The following MRPL48 variants were observed in gnomAD, a reference collection of about 807,000 sequenced individuals.
The protein encoded by MRPL48 is large ribosomal subunit protein mL48.
MRPL48 carries 16 observed loss-of-function variants against 32.9 expected under a neutral mutation model. The observed-to-expected ratio is 0.49, with a 90% confidence interval of 0.33 to 0.74. The LOEUF is 0.74. Ranked by LOEUF, MRPL48 falls within the 30% of genes least tolerant of loss-of-function variation. The pLI is 0.02. For synonymous variants in MRPL48, 94 were observed against 89.2 expected (o/e 1.05, Z -0.31); for missense variants, 206 against 245.3 (o/e 0.84, Z 1.07).
At chr11:73,849,715 G>T (rs1029958697) in intron 5 of MRPL48, among the ~76,000 whole-genome samples, 2 of 152,202 alleles carry the variant, frequency 1.3e-5, no homozygotes, top group African/African-American at 2.4e-5. Flanking sequence ...CTATAAATAT[G>T]TACAGGTTTT....
intron 6 of MRPL48, among the ~76,000 whole-genome samples, chr11:73,862,013 C>G (rs1464040213): frequency 6.6e-6 from 1 of 152,202 alleles, no homozygotes; most frequent in Non-Finnish European, 1.5e-5. Flanking sequence ...AGTGCCCGGG[C>G]ACGGTGGTTC....
intron 2 of MRPL48, 37 bp downstream of exon 2, chr11:73,805,116 C>T (rs1236341066): frequency 2.0e-6 from 3 of 1,518,190 alleles, no homozygotes; most frequent in South Asian, 2.4e-5. Context: ...ATATAGGTAA[C>T]ATTTGCCTTT....
chr11:73,788,232 T>C (rs1056310439), intron 1 of MRPL48, among the ~76,000 whole-genome samples: 2 of 152,052 alleles, frequency 1.3e-5, no homozygotes, highest in African/African-American at 2.4e-5. Context: ...CCACACCACA[T>C]GCCACTCTCT....
At chr11:73,793,922 T>C (rs890409691) in intron 1 of MRPL48, among the ~76,000 whole-genome samples, 2 of 148,452 alleles carry the variant, frequency 1.3e-5, no homozygotes, top group Non-Finnish European at 3.0e-5. Flanking sequence ...CCCAGGCAGG[T>C]CTCGAACTCC....
At chr11:73,805,222 C>A in intron 2 of MRPL48, 143 bp downstream of exon 2, 1 of 633,602 alleles carries the variant, frequency 1.6e-6, no homozygotes, top group Non-Finnish European at 2.7e-6. Flanking sequence ...CTTCCCCATT[C>A]TCAGTTAATA....
At chr11:73,800,435 A>C (rs1947338994) in intron 1 of MRPL48, among the ~76,000 whole-genome samples, 1 of 151,816 alleles carries the variant, frequency 6.6e-6, no homozygotes. Flanking sequence ...CCCACTCCAG[A>C]CTCTGATGTC....
chr11:73,830,879 A>G (rs1947981207), intron 4 of MRPL48, among the ~76,000 whole-genome samples: 1 of 149,574 alleles, frequency 6.7e-6, no homozygotes, highest in South Asian at 2.1e-4. Flanking sequence ...TTTGAGATGG[A>G]GTCTTCCTGG....
chr11:73,826,902 G>T (rs1190352499), intron 4 of MRPL48, among the ~76,000 whole-genome samples: 1 of 147,708 alleles, frequency 6.8e-6, no homozygotes, highest in African/African-American at 2.5e-5. Flanking sequence ...TCAGCCTCCC[G>T]AGTAGCTGGG....
chr11:73,861,345 G>A (rs761297150), intron 6 of MRPL48, among the ~76,000 whole-genome samples: 8 of 151,788 alleles, frequency 5.3e-5, no homozygotes, highest in African/African-American at 1.7e-4. Flanking sequence ...CCAGCCACAC[G>A]TGGAGCTAGT....
At chr11:73,855,561 C>T (rs749557642) in intron 5 of MRPL48, among the ~76,000 whole-genome samples, 6 of 152,102 alleles carry the variant, frequency 3.9e-5, no homozygotes, top group Non-Finnish European at 7.4e-5. Context: ...GATCTCGGCT[C>T]ACTGCAACCT....
chr11:73,838,900 A>T (rs1948146169), intron 4 of MRPL48, among the ~76,000 whole-genome samples: 1 of 152,286 alleles, frequency 6.6e-6, no homozygotes, highest in East Asian at 1.9e-4. Context: ...TGGGCTTCAT[A>T]TTCTTCCCTT....
chr11:73,862,555 C>T (rs927871012), intron 6 of MRPL48, among the ~76,000 whole-genome samples: 3 of 152,028 alleles, frequency 2.0e-5, no homozygotes, highest in Admixed American at 6.6e-5. Flanking sequence ...ACTGAGATAG[C>T]GCCACTTCAC....
chr11:73,798,766 C>T (rs974332923), intron 1 of MRPL48, among the ~76,000 whole-genome samples: 1 of 151,684 alleles, frequency 6.6e-6, no homozygotes, highest in Admixed American at 6.6e-5. Flanking sequence ...CTGAGGTGGG[C>T]GGATCACGAG....
At chr11:73,830,959 C>T (rs1186472457) in intron 4 of MRPL48, among the ~76,000 whole-genome samples, 1 of 151,910 alleles carries the variant, frequency 6.6e-6, no homozygotes, top group African/African-American at 2.4e-5. Flanking sequence ...CCTGCCTCAG[C>T]CTCCTGAGTA....
At chr11:73,859,663 A>G (rs566954392) in intron 5 of MRPL48, among the ~76,000 whole-genome samples, 26 of 149,948 alleles carry the variant, frequency 1.7e-4, no homozygotes, top group Non-Finnish European at 3.7e-4. Flanking sequence ...GGAGTATTGT[A>G]TTTTTTTTTT....
At chr11:73,859,472 G>A (rs1027476923) in intron 5 of MRPL48, among the ~76,000 whole-genome samples, 5 of 151,696 alleles carry the variant, frequency 3.3e-5, no homozygotes, top group African/African-American at 1.2e-4. Flanking sequence ...GTAGAGACAG[G>A]GTCTTACTGT....
chr11:73,799,280 G>C (rs117371207), intron 1 of MRPL48, among the ~76,000 whole-genome samples: 1,913 of 152,126 alleles, frequency 0.013, 17 homozygotes, highest in Non-Finnish European at 0.02. Flanking sequence ...TAAGTCTAGG[G>C]GGTCGAGGTT....
At chr11:73,857,211 A>G (rs918167916) in intron 5 of MRPL48, among the ~76,000 whole-genome samples, 20 of 151,736 alleles carry the variant, frequency 1.3e-4, no homozygotes, top group Admixed American at 1.2e-3. Flanking sequence ...GCTCATTGCA[A>G]CCTCCACCTC....
At chr11:73,833,299 C>G (rs373586671) in intron 4 of MRPL48, among the ~76,000 whole-genome samples, 1 of 151,894 alleles carries the variant, frequency 6.6e-6, no homozygotes, top group South Asian at 2.1e-4. Context: ...GAGTGACTCA[C>G]GTGAAGACCT....
Sources: gnomAD v4.1 joint callset for allele counts (sites outside exome capture counted in the v4.1 genomes callset) on GRCh38, gnomAD v4.1.1 for gene constraint, MANE v1.5 for transcripts, NCBI Gene and HGNC (gene_info 2026-07-23, HGNC 2026-07-21) for gene names.